The following SEC16A variants were observed in gnomAD, a reference collection of about 807,000 sequenced individuals.
SEC16A encodes the protein SEC16 homolog A, endoplasmic reticulum export factor, also known as protein transport protein Sec16A.
Under a neutral mutation model 221.9 loss-of-function variants are expected in SEC16A, and 110 were observed. That is an observed-to-expected ratio of 0.50 (90% CI 0.42 to 0.58). SEC16A has a LOEUF of 0.58. SEC16A is among the 20% of genes least tolerant of loss of function. SEC16A has a pLI of 0.00. For missense variants in SEC16A, 3,165 were observed against 3,097.8 expected (o/e 1.02, Z -0.52); for synonymous variants, 1,393 against 1,257.7 (o/e 1.11, Z -2.28).
At chr9:136,454,679 G>A (rs777547949) in intron 20 of SEC16A, among the ~76,000 whole-genome samples, 1 of 152,210 alleles carries the variant, frequency 6.6e-6, no homozygotes, top group Non-Finnish European at 1.5e-5. Context: ...CAGGCCACTC[G>A]TTCATTCCTT....
At position 136,474,495 on chromosome 9, in the gene SEC16A, A is replaced by T; in HGVS notation, c.3121T>A (p.Tyr1041Asn). The change falls in exon 3 of 32, where the codon TAT (tyrosine) becomes AAT (asparagine). Residue 1041 changes from tyrosine to asparagine, a missense_variant. Tyr to Asn is a moderately radical substitution (Grantham distance 143). Around this residue, in one of 3 missense-constraint regions of SEC16A, gnomAD observed 2,030 missense variants for 1,923.1 expected, o/e 1.06. Transcript: ENST00000684901. ...TGGGCATCTTTCGTGACCTGCTGAT[A>T]AAAACGGTCAAGGTTAGGCGCCCCA... is the stretch of plus-strand genomic sequence containing the variant. ...GPGAPNLDRFYQQVTKDAQGQ... is the reference protein window; with the variant it reads ...GPGAPNLDRFNQQVTKDAQGQ... The T allele has an allele frequency of 6.2e-7, 1 of 1,613,086 alleles. No homozygotes were observed. The highest frequency in any genetic ancestry group is 8.5e-7 in the Non-Finnish European group (1 of 1,179,864).
intron 31 of SEC16A, among the ~76,000 whole-genome samples, chr9:136,442,071 G>A (rs762529277): frequency 2.6e-5 from 4 of 152,198 alleles, no homozygotes; most frequent in Admixed American, 6.5e-5. Flanking sequence ...AGGAGGTGCC[G>A]TGGTTTCATC....
chr9:136,455,533 C>T, intron 20 of SEC16A, 68 bp downstream of exon 20: 4 of 1,414,154 alleles, frequency 2.8e-6, no homozygotes, highest in South Asian at 2.7e-5. Context: ...GGCAAGGGTG[C>T]AGGCCATGGC....
intron 3 of SEC16A, 91 bp from the exon 4 acceptor site, chr9:136,472,202 G>T: frequency 6.6e-7 from 1 of 1,504,490 alleles, no homozygotes; most frequent in Non-Finnish European, 9.1e-7. Flanking sequence ...TGCAGAGGGC[G>T]GGCAGCATTA....
rs763371853 is a variant in SEC16A at position 136,446,848 on chromosome 9, C to G, written c.6792+7G>C. The G allele has an allele frequency of 6.3e-7, 1 of 1,596,820 alleles. No individual in the cohort carries two copies. Among genetic ancestry groups the G allele is most frequent in the South Asian group, 1.1e-5 (1 of 88,566 alleles). On this transcript the variant is annotated splice_region_variant and intron_variant, in intron 28 of 31. Transcript: ENST00000684901. ...TACCTTTCCCCTTTCCCACCGTACC[C>G]GCTCACCTTGGGCTCTGGGGCAGGC...
Position 136,445,176 on chromosome 9 carries a change from C to T in SEC16A, c.6868-65G>A, listed in dbSNP as rs113338320. On this transcript the variant is annotated intron_variant, in intron 29 of 31. Coordinates refer to ENST00000684901, the MANE Select transcript of SEC16A (RefSeq NM_014866.2). ...GTCAACATGCACGTCACTGTCCAAT[C>T]CAAGCTGTCAGTTCCATTTCAAAAG... The T allele has an allele frequency of 4.8e-3, 6,657 of 1,383,382 alleles. 269 individuals carry two copies. In the African/African-American group the frequency reaches 0.08, roughly 17 times the overall value. 85.7% of individuals were successfully genotyped at this position (1,383,382 alleles called of 1,614,324 possible). A position where few individuals can be genotyped will look rare whatever the true frequency, so the allele number is the denominator to read the frequency against.
intron 22 of SEC16A, among the ~76,000 whole-genome samples, chr9:136,453,134 G>A (rs950254709): frequency 2.1e-4 from 32 of 151,680 alleles, no homozygotes; most frequent in African/African-American, 7.7e-4. Flanking sequence ...ACCCATTTTG[G>A]AAGAATTAAA....
rs769766754 is a variant in SEC16A at position 136,461,201 on chromosome 9, C to G, written c.4967G>C (p.Arg1656Pro). ...CCTGGTCATGACTCGGGCGTGTGTC[C>G]GGCTGTCCATCTTACTTGCAAGTAG... is the stretch of plus-strand genomic sequence containing the variant. The part of the protein sequence containing the change: ...ALLLASKMDS[R>P]THARVMTRFA... Residue 1656 changes from arginine (R) to proline (P), a missense_variant, in exon 13 of 32, where the codon CGG becomes CCG. Physicochemically the swap from Arg to Pro is moderately radical, Grantham distance 103. This residue lies in a region of SEC16A where 1,088 missense variants were observed against 1,089.6 expected (regional missense o/e 1.00). Coordinates refer to ENST00000684901, the MANE Select transcript of SEC16A (RefSeq NM_014866.2). The G allele has an allele frequency of 1.9e-6, 3 of 1,607,308 alleles. No homozygotes were observed. The highest frequency in any genetic ancestry group is 2.5e-6 in the Non-Finnish European group (3 of 1,177,056).
chr9:136,480,886 CAA>C (rs35219967), intron 1 of SEC16A, among the ~76,000 whole-genome samples: 1 of 145,330 alleles, frequency 6.9e-6, no homozygotes, highest in Non-Finnish European at 1.5e-5. Context: ...GACTCCGTCT[CAA>C]AAAAAAAAAA....
intron 12 of SEC16A, among the ~76,000 whole-genome samples, chr9:136,462,281 G>A (rs1019822068): frequency 1.3e-5 from 2 of 152,044 alleles, no homozygotes; most frequent in Non-Finnish European, 2.9e-5. Flanking sequence ...CAAACATCAT[G>A]CACCCTAGAC....
chr9:136,461,631 C>T (rs1037417214), intron 12 of SEC16A, among the ~76,000 whole-genome samples: 7 of 152,202 alleles, frequency 4.6e-5, no homozygotes, highest in African/African-American at 1.7e-4. Flanking sequence ...AGGAGGCCTC[C>T]GCGAATATCC....
chr9:136,471,501 G>C (rs951103432), intron 4 of SEC16A, among the ~76,000 whole-genome samples: 1 of 152,144 alleles, frequency 6.6e-6, no homozygotes, highest in Non-Finnish European at 1.5e-5. Context: ...AGGAAACACA[G>C]GCTTTCAAGC....
At position 136,459,178 on chromosome 9, in the gene SEC16A, C is replaced by T. The variant is rs923555219; in HGVS notation, c.5365G>A (p.Ala1789Thr). 1.6e-5 allele frequency: 26 copies of T among 1,613,642 alleles called. No individual in the cohort carries two copies. Among genetic ancestry groups the T allele is most frequent in the South Asian group, 3.3e-5 (3 of 91,064 alleles). The change falls in exon 17 of 32, where the codon GCC becomes ACC. Residue 1789 changes from alanine to threonine, a missense_variant. This residue lies in a region of SEC16A where 1,088 missense variants were observed against 1,089.6 expected (regional missense o/e 1.00). Transcript: ENST00000684901. This position sits in a 1 kb window ranked among gnomAD's most constrained non-coding sequence, Gnocchi z 6.1. ...AIQRTEAYEY[A>T]QSLGAETCPL... ...CAGGTCTCGGCACCCAGGGACTGGGCGTACTCATAGGCTTCCGTCCTCTGG... is the reference window on the plus strand; with the variant it reads ...CAGGTCTCGGCACCCAGGGACTGGGTGTACTCATAGGCTTCCGTCCTCTGG...
In SEC16A at chr9:136,447,771, C is replaced by A; in HGVS notation, c.6447+82G>T. The A allele has an allele frequency of 1.3e-6, 2 of 1,545,068 alleles. No individual in the cohort carries two copies. The highest frequency in any genetic ancestry group is 8.9e-7 in the Non-Finnish European group (1 of 1,125,994). ...CAGGAGGCTCCAAAAGGGGCAACAGCCACCCAAATATCACAGGGCCACATG... is the reference window on the plus strand; with the variant it reads ...CAGGAGGCTCCAAAAGGGGCAACAGACACCCAAATATCACAGGGCCACATG... On this transcript the variant is annotated intron_variant, in intron 25 of 31. Coordinates refer to ENST00000684901, the MANE Select transcript of SEC16A (RefSeq NM_014866.2). This position sits in a 1 kb window ranked among gnomAD's most constrained non-coding sequence, Gnocchi z 5.5.
intron 12 of SEC16A, among the ~76,000 whole-genome samples, chr9:136,461,819 T>G (rs1008865922): frequency 1.3e-5 from 2 of 152,142 alleles, no homozygotes; most frequent in African/African-American, 2.4e-5. Context: ...AGACTCATAC[T>G]GATCAGGCCG....
chr9:136,482,640 G>A (rs965392825), intron 1 of SEC16A, among the ~76,000 whole-genome samples: 1 of 152,268 alleles, frequency 6.6e-6, no homozygotes, highest in Non-Finnish European at 1.5e-5. Context: ...TACGAGGGGT[G>A]CCTGGGGGTC....
At chr9:136,455,961 G>C in intron 19 of SEC16A, 92 bp downstream of exon 19, 1 of 1,257,318 alleles carries the variant, frequency 8.0e-7, no homozygotes, top group Non-Finnish European at 1.1e-6. Flanking sequence ...CAGTTACACT[G>C]TCTTTACAGA....
At position 136,475,733 on chromosome 9, in the gene SEC16A, C is replaced by T. The variant is rs181091537; in HGVS notation, c.1883G>A (p.Arg628His). ...LVGVKPFEAD[R>H]ANVVGEVRET... ...CCTTACTTCACCAACCACGTTGGCG[C>T]GATCTGCCTCAAATGGTTTTACCCC... The change falls in exon 3 of 32, where the codon CGC becomes CAC. Residue 628 changes from arginine (R) to histidine (H), a missense_variant. By Grantham distance (29) the Arg-to-His change is conservative (BLOSUM62 0). Coordinates refer to ENST00000684901, the MANE Select transcript of SEC16A (RefSeq NM_014866.2). The surrounding 1 kb of genome is among the most constrained non-coding windows in gnomAD (Gnocchi z 5.0). 1.9e-4 allele frequency: 311 copies of T among 1,610,020 alleles called. 2 individuals carry two copies. Among genetic ancestry groups the T allele is most frequent in the Non-Finnish European group, 2.0e-5 (23 of 1,178,166 alleles).
At chr9:136,455,123 C>T (rs181549376) in intron 20 of SEC16A, among the ~76,000 whole-genome samples, 6 of 152,192 alleles carry the variant, frequency 3.9e-5, no homozygotes, top group African/African-American at 1.4e-4. Context: ...GCGTGCAGGC[C>T]GCGCTGGTGA....
Sources: allele counts gnomAD v4.1 joint callset (sites outside exome capture counted in the v4.1 genomes callset), GRCh38; gene constraint gnomAD v4.1.1; regional missense constraint gnomAD v4.1.1; non-coding constraint Gnocchi (gnomAD v3.1); transcripts MANE v1.5; gene names NCBI Gene and HGNC (gene_info 2026-07-23, HGNC 2026-07-21).